EPHA6: variants seen among roughly 807,000 people sequenced by gnomAD.
EPHA6 encodes the protein EPH receptor A6.
In EPHA6, 50 loss-of-function variants were observed where a neutral mutation model predicts 112.0. The observed-to-expected ratio is 0.45, with a 90% CI of 0.36 to 0.56. The LOEUF (loss-of-function observed/expected upper bound fraction) is 0.56, where lower values mean the gene tolerates loss of function less well. EPHA6 is among the 20% of genes least tolerant of loss of function. The pLI is 0.00. For synonymous variants in EPHA6, 529 were observed against 490.7 expected, an observed-to-expected ratio of 1.08 and a Z score of -1.03; for missense variants, 1,280 against 1,417.4, an observed-to-expected ratio of 0.90 and a Z score of 1.56.
intron 14 of EPHA6, among the ~76,000 whole-genome samples, chr3:97,684,225 T>A (rs2032084141): frequency 6.6e-6 from 1 of 152,132 alleles, no homozygotes; most frequent in East Asian, 1.9e-4. Context: ...TATTTTTCAA[T>A]TAATGAATGG....
chr3:97,330,018 T>G (rs1289047983), intron 5 of EPHA6, among the ~76,000 whole-genome samples: 1 of 152,174 alleles, frequency 6.6e-6, no homozygotes, highest in Admixed American at 6.6e-5. Context: ...AGGGATCCAG[T>G]TTCAGCTTTC....
chr3:97,173,311 C>T (rs1380775137), intron 3 of EPHA6, among the ~76,000 whole-genome samples: 1 of 151,706 alleles, frequency 6.6e-6, no homozygotes, highest in Non-Finnish European at 1.5e-5. Context: ...CAAATACGAG[C>T]TAAAGAACTA....
At chr3:97,567,779 T>G (rs758542734) in intron 11 of EPHA6, among the ~76,000 whole-genome samples, 8 of 152,028 alleles carry the variant, frequency 5.3e-5, no homozygotes, top group Non-Finnish European at 1.0e-4. Context: ...CAAACTTTAT[T>G]ATACTCACAG....
chr3:97,294,275 C>T (rs368561023), intron 5 of EPHA6, among the ~76,000 whole-genome samples: 1 of 152,218 alleles, frequency 6.6e-6, no homozygotes, highest in African/African-American at 2.4e-5. Context: ...ATGCCTCCCC[C>T]ACTTCAGCCA....
chr3:97,278,851 C>T (rs1190541492), intron 5 of EPHA6, among the ~76,000 whole-genome samples: 2 of 152,178 alleles, frequency 1.3e-5, no homozygotes, highest in Non-Finnish European at 2.9e-5. Context: ...GACTCAGACT[C>T]CTCCTCCATG....
intron 3 of EPHA6, among the ~76,000 whole-genome samples, chr3:97,195,907 G>A (rs2077429114): frequency 6.6e-6 from 1 of 151,848 alleles, no homozygotes; most frequent in Non-Finnish European, 1.5e-5. Context: ...GATGCTTTTA[G>A]GATCTTTTCT....
intron 5 of EPHA6, among the ~76,000 whole-genome samples, chr3:97,272,776 A>G (rs2079932184): frequency 6.6e-6 from 1 of 152,154 alleles, no homozygotes; most frequent in African/African-American, 2.4e-5. Flanking sequence ...GTGGAATGTC[A>G]TCAGTTAAGG....
chr3:97,340,095 T>C (rs1401295505), intron 5 of EPHA6, among the ~76,000 whole-genome samples: 1 of 152,224 alleles, frequency 6.6e-6, no homozygotes, highest in Non-Finnish European at 1.5e-5. Context: ...ATATTTATAG[T>C]CTATTAAGGA....
intron 12 of EPHA6, among the ~76,000 whole-genome samples, chr3:97,608,982 G>C (rs1380302498): frequency 6.6e-6 from 1 of 151,320 alleles, no homozygotes; most frequent in Admixed American, 6.6e-5. Flanking sequence ...TTCCACATCT[G>C]CATAAGAAAA....
chr3:97,013,321 AT>A (rs1220117396), intron 3 of EPHA6, among the ~76,000 whole-genome samples: 1 of 152,098 alleles, frequency 6.6e-6, no homozygotes, highest in Non-Finnish European at 1.5e-5. Flanking sequence ...TATAAATAAA[AT>A]TTAAATTATA....
intron 5 of EPHA6, among the ~76,000 whole-genome samples, chr3:97,353,542 G>C (rs930306051): frequency 6.6e-6 from 1 of 152,052 alleles, no homozygotes; most frequent in African/African-American, 2.4e-5. Flanking sequence ...TTCCACATAA[G>C]GAAAGAAGGG....
chr3:96,940,713 G>A (rs956178383), intron 2 of EPHA6, among the ~76,000 whole-genome samples: 5 of 152,114 alleles, frequency 3.3e-5, no homozygotes, highest in Non-Finnish European at 7.3e-5. Context: ...TTACAATTTG[G>A]CATGTTTTTG....
At chr3:97,206,495 A>T (rs1196208964) in intron 3 of EPHA6, among the ~76,000 whole-genome samples, 1 of 151,874 alleles carries the variant, frequency 6.6e-6, no homozygotes, top group African/African-American at 2.4e-5. Context: ...GAATTTTGTG[A>T]TACTCATTTC....
chr3:97,288,739 T>A (rs950698123), intron 5 of EPHA6, among the ~76,000 whole-genome samples: 2 of 152,070 alleles, frequency 1.3e-5, no homozygotes, highest in African/African-American at 4.8e-5. Context: ...TAGCATCTGT[T>A]GTTTCTTGAC....
At chr3:96,970,306 G>C (rs2042270533) in intron 2 of EPHA6, among the ~76,000 whole-genome samples, 1 of 151,284 alleles carries the variant, frequency 6.6e-6, no homozygotes. Flanking sequence ...GAGAGAGAAA[G>C]TGCCTCTTAG....
chr3:97,431,188 G>A (rs927145105), intron 6 of EPHA6, among the ~76,000 whole-genome samples: 12 of 151,910 alleles, frequency 7.9e-5, no homozygotes, highest in African/African-American at 2.9e-4. Flanking sequence ...ATTTATATGT[G>A]TTGAAATAGG....
At chr3:96,967,804 A>C (rs957904763) in intron 2 of EPHA6, among the ~76,000 whole-genome samples, 7 of 151,880 alleles carry the variant, frequency 4.6e-5, no homozygotes, top group Non-Finnish European at 8.8e-5. Flanking sequence ...CTGATTAGTA[A>C]AGATGAACTT....
intron 6 of EPHA6, among the ~76,000 whole-genome samples, chr3:97,413,264 T>A (rs1447217994): frequency 6.6e-6 from 1 of 151,960 alleles, no homozygotes; most frequent in Non-Finnish European, 1.5e-5. Flanking sequence ...AGGTCTCAAC[T>A]GATAGAGGTT....
chr3:97,655,208 A>T (rs2107617779), intron 14 of EPHA6, among the ~76,000 whole-genome samples: 1 of 151,412 alleles, frequency 6.6e-6, no homozygotes, highest in African/African-American at 2.4e-5. Context: ...TGAGGCCCAA[A>T]GAAATGATTT....
Sources: gnomAD v4.1 joint callset for allele counts (sites outside exome capture counted in the v4.1 genomes callset) on GRCh38, gnomAD v4.1.1 for gene constraint, MANE v1.5 for transcripts, NCBI Gene and HGNC (gene_info 2026-07-23, HGNC 2026-07-21) for gene names.